MRAP: variants seen among roughly 807,000 people sequenced by gnomAD.
MRAP encodes melanocortin 2 receptor accessory protein.
Under a neutral mutation model 8.7 loss-of-function variants are expected in MRAP, and 8 were observed. The ratio of observed to expected loss-of-function variants is 0.92; its 90% CI spans 0.54 to 1.66. MRAP has a LOEUF of 1.66. MRAP is among the 40% of genes most tolerant of loss of function. The pLI is 0.00. For synonymous variants in MRAP, 95 were observed against 95.5 expected (o/e 1.00, Z 0.03); for missense variants, 237 against 217.1 (o/e 1.09, Z -0.58).
At chr21:32,299,432 T>A (rs1036334962) in intron 1 of MRAP, among the ~76,000 whole-genome samples, 1 of 152,098 alleles carries the variant, frequency 6.6e-6, no homozygotes, top group Non-Finnish European at 1.5e-5. Flanking sequence ...CTGCCCTGGG[T>A]CAAGTAATCC....
At chr21:32,304,640 AAAC>A (rs2032361538) in intron 1 of MRAP, among the ~76,000 whole-genome samples, 1 of 73,186 alleles carries the variant, frequency 1.4e-5, no homozygotes, top group African/African-American at 4.5e-5. Context: ...ACAAAAAACA[AAAC>A]AAAACAAACA....
chr21:32,296,153 C>A (rs896036155), upstream of MRAP, among the ~76,000 whole-genome samples: 4 of 152,144 alleles, frequency 2.6e-5, no homozygotes, highest in African/African-American at 9.7e-5. Context: ...TTCTGTGCCT[C>A]GGTGGTATCC....
At chr21:32,300,773 TGCC>T (rs2032266549) in intron 1 of MRAP, among the ~76,000 whole-genome samples, 7 of 146,570 alleles carry the variant, frequency 4.8e-5, no homozygotes, top group East Asian at 2.1e-4. Flanking sequence ...AGGGGCGTCA[TGCC>T]TCCTATGTCG....
intron 2 of MRAP, among the ~76,000 whole-genome samples, chr21:32,307,041 T>C (rs1177229727): frequency 6.6e-6 from 1 of 152,062 alleles, no homozygotes; most frequent in Non-Finnish European, 1.5e-5. Flanking sequence ...TATTCAGCAA[T>C]AAAAAGGGAT....
intron 1 of MRAP, chr21:32,291,900 C>T (rs993658190): frequency 6.6e-6 from 1 of 151,552 alleles, no homozygotes. Context: ...AATATAAAAC[C>T]GCTCTTTAAA....
chr21:32,300,593 C>T (rs13047090), intron 1 of MRAP, among the ~76,000 whole-genome samples: 82,917 of 147,204 alleles, frequency 0.56, 27,996 homozygotes, highest in Non-Finnish European at 0.74. Context: ...GGGCGTCACA[C>T]GTCCTATGTC....
chr21:32,299,136 T>A (rs2032201379), intron 1 of MRAP, 59 bp downstream of exon 1: 2 of 1,323,498 alleles, frequency 1.5e-6, no homozygotes, highest in Non-Finnish European at 2.2e-6. Context: ...CCCAAATGAC[T>A]GGGCACTCCC....
chr21:32,292,513 G>A (rs1450226529), intron 1 of MRAP, among the ~76,000 whole-genome samples: 4 of 152,150 alleles, frequency 2.6e-5, no homozygotes, highest in Non-Finnish European at 5.9e-5. Context: ...TTGGAATACA[G>A]TGGCGTGATC....
intron 1 of MRAP, among the ~76,000 whole-genome samples, chr21:32,299,599 G>C (rs951133598): frequency 6.6e-6 from 1 of 152,120 alleles, no homozygotes; most frequent in Admixed American, 6.5e-5. Context: ...CCAAAGTGCT[G>C]GGATTACAGG....
At chr21:32,306,963 TGCAGATTTTGCA>T (rs547265042) in intron 2 of MRAP, 14 of 593,344 alleles carry the variant, frequency 2.4e-5, no homozygotes, top group Non-Finnish European at 4.3e-5. Context: ...CTCAGTATGT[TGCAGATTTTGCA>T]GCGTTTCAGA....
Position 32,298,906 on chromosome 21 carries a change from A to T in MRAP, c.-66A>T. ...GAAATCAGTGAGGCAGTCTCCTCCC[A>T]GGGGCTTGGCGCCTGGCTCGAGGCG... On this transcript the variant is annotated 5_prime_UTR_variant, in exon 1 of 3. Transcript: ENST00000303645. 1 of 1,155,140 alleles carries T rather than the reference A, an allele frequency of 8.7e-7. No individual in the cohort carries two copies. The highest frequency in any genetic ancestry group is 1.3e-6 in the Non-Finnish European group (1 of 768,114). The allele number at this position is 1,155,140 out of a possible 1,614,324, so 71.6% of individuals were successfully genotyped here.
downstream of MRAP, chr21:32,312,336 G>A: frequency 8.1e-7 from 1 of 1,234,174 alleles, no homozygotes; most frequent in South Asian, 1.6e-5. Flanking sequence ...CCATTACTGT[G>A]TAATGCGTTA....
At position 32,312,012 on chromosome 21, in the gene MRAP, G is replaced by A. The variant is rs1399849292; in HGVS notation, c.*16G>A. On this transcript the variant is annotated 3_prime_UTR_variant, in exon 3 of 3. Transcript: ENST00000303645. ...GCAGAGCTGATGTCAGTAAATCGTG[G>A]CCATAGCTGAGTGAACTGGTGAAAT... 1.2e-6 allele frequency: 2 copies of A among 1,612,774 alleles called. No homozygotes were observed. The highest frequency in any genetic ancestry group is 1.7e-6 in the Non-Finnish European group (2 of 1,180,032).
intron 2 of MRAP, 74 bp downstream of exon 2, chr21:32,306,813 C>A: frequency 8.4e-7 from 1 of 1,191,344 alleles, no homozygotes; most frequent in Non-Finnish European, 1.2e-6. Context: ...GTTGAGTATC[C>A]CTCATCCAAA....
At chr21:32,311,635 T>A in intron 2 of MRAP, 49 bp from the exon 3 acceptor site, 1 of 1,601,194 alleles carries the variant, frequency 6.2e-7, no homozygotes, top group Middle Eastern at 1.7e-4. Context: ...CAGTATGGAC[T>A]GTTCTGCAGC....
chr21:32,314,601 G>C (rs115917390), downstream of MRAP: 5 of 1,614,094 alleles, frequency 3.1e-6, no homozygotes, highest in East Asian at 6.7e-5. Flanking sequence ...CCTCAAACTC[G>C]AGCTATTTCC....
intron 2 of MRAP, among the ~76,000 whole-genome samples, chr21:32,293,552 G>A (rs1601092003): frequency 6.6e-6 from 1 of 152,108 alleles, no homozygotes; most frequent in Admixed American, 6.5e-5. Context: ...CCATAGTATT[G>A]TGAGAATTGC....
chr21:32,306,445 A>AT lies in MRAP; in HGVS notation c.107-195_107-194insT, dbSNP rs746635651. ...GTGGCCAGCTGCCCTGAGGAAAAAG[A>AT]CACTTCTTGGCTCCCCTGTTCTTTC... On this transcript the variant is annotated intron_variant, in intron 1 of 2. Transcript: ENST00000303645. 172 of 646,990 alleles carry AT rather than the reference A, an allele frequency of 2.7e-4. 1 individual carries two copies. In the East Asian group the frequency reaches 4.0e-3, roughly 15 times the overall value. The allele number at this position is 646,990 out of a possible 1,614,324, so 40.1% of individuals were successfully genotyped here.
downstream of MRAP, chr21:32,314,261 T>C (rs2032641759): frequency 2.7e-6 from 1 of 371,430 alleles, no homozygotes; most frequent in Non-Finnish European, 5.2e-6. Context: ...CTCAGCTCAC[T>C]GTAGCCTCCA....
Sources: gnomAD v4.1 joint callset for allele counts (sites outside exome capture counted in the v4.1 genomes callset) on GRCh38, gnomAD v4.1.1 for gene constraint, MANE v1.5 for transcripts, NCBI Gene and HGNC (gene_info 2026-07-23, HGNC 2026-07-21) for gene names.